Variants in HDAC7 observed in about 807,000 individuals in gnomAD.
The protein encoded by HDAC7 is histone deacetylase 7A.
A neutral mutation model predicts 115.5 loss-of-function variants in HDAC7; 26 were observed. That is an observed-to-expected ratio of 0.23 (90% CI 0.16 to 0.31). The LOEUF (loss-of-function observed/expected upper bound fraction) is 0.31, where lower values mean the gene tolerates loss of function less well. Among genes scored for constraint, HDAC7 ranks in the 10% least tolerant of loss-of-function variants. The pLI is 1.00. For missense variants in HDAC7, 1,068 were observed against 1,329.0 expected (o/e 0.80, Z 3.05); for synonymous variants, 564 against 550.9 (o/e 1.02, Z -0.33).
chr12:47,818,508 C>T (rs1944913016), intron 1 of HDAC7, among the ~76,000 whole-genome samples: 1 of 152,202 alleles, frequency 6.6e-6, no homozygotes, highest in Non-Finnish European at 1.5e-5. Flanking sequence ...GGGGAAAGGG[C>T]CGCCAAAGCG....
chr12:47,819,429 G>T (rs1194951445), intron 1 of HDAC7, among the ~76,000 whole-genome samples: 1 of 152,216 alleles, frequency 6.6e-6, no homozygotes, highest in Non-Finnish European at 1.5e-5. Flanking sequence ...GGGAACAGGG[G>T]TGATGGGACG....
At position 47,795,192 on chromosome 12, in the gene HDAC7, C is replaced by G. The variant is rs1177365930; in HGVS notation, c.1276G>C (p.Val426Leu). ...TGCCCAATTCCTCTCACCTTGATCA[C>G]CTGGACGTGAGTTTTGAGCTGCTCC... ...RLEQLKTHVQ[V>L]IKRSAKPSEK... Residue 426 changes from valine to leucine, a missense_variant, in exon 11 of 26, where the codon GTG becomes CTG. By Grantham distance (32) the Val-to-Leu change is conservative. Coordinates refer to ENST00000080059, the MANE Select transcript of HDAC7 (RefSeq NM_015401.5). This position sits in a 1 kb window ranked among gnomAD's most constrained non-coding sequence, Gnocchi z 4.3. 1 of 1,612,330 alleles carries G rather than the reference C, an allele frequency of 6.2e-7. No homozygotes were observed. Among genetic ancestry groups the G allele is most frequent in the Non-Finnish European group, 8.5e-7 (1 of 1,179,074 alleles).
At chr12:47,786,152 T>G in intron 22 of HDAC7, 1 of 493,926 alleles carries the variant, frequency 2.0e-6, no homozygotes. Context: ...TCATTGACTC[T>G]AGCCTGTGTC....
chr12:47,789,035 C>G, intron 19 of HDAC7: 1 of 541,340 alleles, frequency 1.8e-6, no homozygotes, highest in Non-Finnish European at 3.3e-6. Flanking sequence ...ACAGCTCCTA[C>G]TCGTTGCAGG....
chr12:47,793,185 G>T lies in HDAC7; in HGVS notation c.1678+184C>A. The T allele has an allele frequency of 1.8e-6, 1 of 550,278 alleles. No individual in the cohort carries two copies. Among genetic ancestry groups the T allele is most frequent in the Non-Finnish European group, 3.2e-6 (1 of 315,990 alleles). The allele number at this position is 550,278 out of a possible 1,614,324, so 34.1% of individuals were successfully genotyped here. A position where few individuals can be genotyped will look rare whatever the true frequency, so the allele number is the denominator to read the frequency against. Reference sequence around the variant, plus strand: ...AGGCTTGTCACCTTAGATTTCGTGAGCCTTGGTCCTCATCGGCCAAATGCA... The same window carrying T: ...AGGCTTGTCACCTTAGATTTCGTGATCCTTGGTCCTCATCGGCCAAATGCA... On this transcript the variant is annotated intron_variant, in intron 13 of 25. Coordinates refer to ENST00000080059, the MANE Select transcript of HDAC7 (RefSeq NM_015401.5). This position sits in a 1 kb window ranked among gnomAD's most constrained non-coding sequence, Gnocchi z 4.5.
intron 1 of HDAC7, among the ~76,000 whole-genome samples, chr12:47,815,829 T>G (rs1483865620): frequency 6.6e-6 from 1 of 151,546 alleles, no homozygotes; most frequent in Non-Finnish European, 1.5e-5. Flanking sequence ...CAGGCTCGTC[T>G]CGAACTCCTG....
At chr12:47,804,831 G>T (rs1944325799) in intron 1 of HDAC7, among the ~76,000 whole-genome samples, 1 of 152,006 alleles carries the variant, frequency 6.6e-6, no homozygotes, top group East Asian at 1.9e-4. Flanking sequence ...ACAATTCTAA[G>T]CACCTGGAAC....
chr12:47,791,890 C>T lies in HDAC7; in HGVS notation c.1793G>A (p.Gly598Glu), dbSNP rs1943548225. The T allele has an allele frequency of 6.2e-7, 1 of 1,611,400 alleles. No individual in the cohort carries two copies. The highest frequency in any genetic ancestry group is 2.2e-5 in the East Asian group (1 of 44,808). ...CCTCACCTCACACTGGCTCCGGAGC[C>T]CCCGCTCCTGCAGCCGGGACCAGAT... Reference protein sequence around the residue: ...QSIWSRLQERGLRSQCECLRG... With the variant: ...QSIWSRLQERELRSQCECLRG... The change falls in exon 14 of 26, where the codon GGG becomes GAG. Residue 598 changes from glycine to glutamate, a missense_variant. Physicochemically the swap from Gly to Glu is moderately conservative, Grantham distance 98 (BLOSUM62 -2). Around this residue, in one of 6 missense-constraint regions of HDAC7, gnomAD observed 618 missense variants for 701.5 expected, o/e 0.88. Transcript: ENST00000080059.
intron 1 of HDAC7, among the ~76,000 whole-genome samples, chr12:47,813,768 G>A (rs1380619498): frequency 6.6e-6 from 1 of 152,180 alleles, no homozygotes; most frequent in African/African-American, 2.4e-5. Context: ...GCAGCCTCCA[G>A]AGAGGCCCAG....
intron 2 of HDAC7, 21 bp downstream of exon 2, chr12:47,802,203 T>C (rs772126894): frequency 8.7e-6 from 14 of 1,610,222 alleles, no homozygotes; most frequent in Admixed American, 3.4e-5. Flanking sequence ...TACCATGGAC[T>C]CCCCCGGGTT....
intron 1 of HDAC7, among the ~76,000 whole-genome samples, chr12:47,815,482 A>T (rs1944824577): frequency 6.6e-6 from 1 of 152,210 alleles, no homozygotes; most frequent in Non-Finnish European, 1.5e-5. Context: ...GAAAAAATGA[A>T]GAGGTTGACC....
rs1943951678 is a variant in HDAC7 at position 47,797,899 on chromosome 12, A to AGAG, written c.461+208_461+209insCTC. ...GTGTGTGTGTGTGTGTGTGTGTGAG[A>AGAG]AGGGCTCAGGTGGGGTGGGGAGAAT... On this transcript the variant is annotated intron_variant, in intron 5 of 25. Transcript: ENST00000080059. This position sits in a 1 kb window ranked among gnomAD's most constrained non-coding sequence, Gnocchi z 5.5. 1.6e-5 allele frequency among the ~76,000 whole-genome samples: 1 copy of AGAG among 61,980 alleles called. No individual in the cohort carries two copies. Among genetic ancestry groups the AGAG allele is most frequent in the African/African-American group, 6.0e-5 (1 of 16,782 alleles). The allele number at this position is 61,980 out of a possible 152,430, so 40.7% of individuals were successfully genotyped here. A position where few individuals can be genotyped will look rare whatever the true frequency, so the allele number is the denominator to read the frequency against.
chr12:47,795,587 C>A lies in HDAC7; in HGVS notation c.1087G>T (p.Val363Leu), dbSNP rs867196789. 1 of 1,558,500 alleles carries A rather than the reference C, an allele frequency of 6.4e-7. No homozygotes were observed. The highest frequency in any genetic ancestry group is 8.7e-7 in the Non-Finnish European group (1 of 1,151,514). The stretch of plus-strand genomic sequence containing the variant: ...TTCCCTGAAGAAGCAGCAGACTCAC[C>A]AGTCAGCAGCGGGGCATGAGAGCCT... The part of the protein sequence containing the change: ...PSGSHAPLLT[V>L]PGLGPLPFHF... The change falls in exon 10 of 26, where the codon GTG becomes TTG. Residue 363 changes from valine to leucine, a missense_variant and splice_region_variant. Val to Leu is a conservative substitution (Grantham distance 32). Around this residue, in one of 6 missense-constraint regions of HDAC7, gnomAD observed 618 missense variants for 701.5 expected, o/e 0.88. Coordinates refer to ENST00000080059, the MANE Select transcript of HDAC7 (RefSeq NM_015401.5). This position sits in a 1 kb window ranked among gnomAD's most constrained non-coding sequence, Gnocchi z 4.3.
chr12:47,794,074 T>C (rs1943674219), intron 12 of HDAC7, among the ~76,000 whole-genome samples: 1 of 152,118 alleles, frequency 6.6e-6, no homozygotes, highest in Non-Finnish European at 1.5e-5. Context: ...ATGAGGTCGT[T>C]AGGGTGGGCC....
intron 1 of HDAC7, chr12:47,818,063 T>C (rs1274860954): frequency 6.6e-6 from 1 of 152,194 alleles, no homozygotes; most frequent in East Asian, 1.9e-4. Flanking sequence ...GTGCTTGGAA[T>C]TTTCTCCCCA....
At chr12:47,812,439 T>C (rs1353157288) in intron 1 of HDAC7, among the ~76,000 whole-genome samples, 1 of 152,272 alleles carries the variant, frequency 6.6e-6, no homozygotes, top group Non-Finnish European at 1.5e-5. Context: ...CAGTGAGCCC[T>C]GACTTCATAC....
rs1005352166 is a variant in HDAC7 at position 47,783,600 on chromosome 12, C to G, written c.*241G>C. The G allele has an allele frequency of 2.0e-5, 11 of 555,504 alleles. No homozygotes were observed. Among genetic ancestry groups the G allele is most frequent in the African/African-American group, 1.7e-4 (9 of 52,818 alleles). The allele number at this position is 555,504 out of a possible 1,614,324, so 34.4% of individuals were successfully genotyped here. Reference sequence around the variant, plus strand: ...CATACTGGAGGGGAGAATCTGTTCTCGAGAGCCCTGTGGGGGTCGCCGCCC... The same window carrying G: ...CATACTGGAGGGGAGAATCTGTTCTGGAGAGCCCTGTGGGGGTCGCCGCCC... On this transcript the variant is annotated 3_prime_UTR_variant, in exon 26 of 26. Transcript: ENST00000080059.
chr12:47,783,770 G>A lies in HDAC7; in HGVS notation c.*71C>T, dbSNP rs1286463180. On this transcript the variant is annotated 3_prime_UTR_variant, in exon 26 of 26. Coordinates refer to ENST00000080059, the MANE Select transcript of HDAC7 (RefSeq NM_015401.5). ...AGGATCTCTAAAGACCCAGGAATGG[G>A]GGCTATTGCCAGGGGTTAGAAGAGA... 26 of 1,469,136 alleles carry A rather than the reference G, an allele frequency of 1.8e-5. No homozygotes were observed. The highest frequency in any genetic ancestry group is 2.4e-5 in the Non-Finnish European group (25 of 1,061,168). The allele number at this position is 1,469,136 out of a possible 1,614,324, so 91.0% of individuals were successfully genotyped here.
intron 1 of HDAC7, among the ~76,000 whole-genome samples, chr12:47,807,004 A>G (rs970808625): frequency 6.6e-6 from 1 of 151,244 alleles, no homozygotes; most frequent in African/African-American, 2.4e-5. Context: ...CAGTGGCACA[A>G]TCTCAGCTAA....
Sources: allele counts gnomAD v4.1 joint callset (sites outside exome capture counted in the v4.1 genomes callset), GRCh38; gene constraint gnomAD v4.1.1; regional missense constraint gnomAD v4.1.1; non-coding constraint Gnocchi (gnomAD v3.1); transcripts MANE v1.5; gene names NCBI Gene and HGNC (gene_info 2026-07-23, HGNC 2026-07-21).